The following BABAM2 variants were observed in gnomAD, a reference collection of about 807,000 sequenced individuals.
BABAM2 encodes BRISC and BRCA1 A complex member 2.
A neutral mutation model predicts 54.7 loss-of-function variants in BABAM2; 31 were observed. The ratio of observed to expected loss-of-function variants is 0.57; its 90% confidence interval spans 0.43 to 0.77. The LOEUF is 0.77. Ranked by LOEUF, BABAM2 falls within the 30% of genes least tolerant of loss-of-function variation. The probability of loss-of-function intolerance (pLI) is 0.00; values close to 1 mark genes in which losing one functional copy is unlikely to be tolerated. For synonymous variants in BABAM2, 167 were observed against 162.9 expected (o/e 1.03, Z -0.19); for missense variants, 364 against 455.8 (o/e 0.80, Z 1.83).
At chr2:28,109,972 C>A (rs188981810) in intron 6 of BABAM2, among the ~76,000 whole-genome samples, 3 of 152,196 alleles carry the variant, frequency 2.0e-5, no homozygotes, top group Non-Finnish European at 4.4e-5. Flanking sequence ...TCATGACATC[C>A]GTTTCTGTAA....
At chr2:28,249,672 TTCTC>T (rs1336263077) in intron 10 of BABAM2, among the ~76,000 whole-genome samples, 4 of 152,140 alleles carry the variant, frequency 2.6e-5, no homozygotes, top group Non-Finnish European at 5.9e-5. Context: ...GAGGTCTTCT[TTCTC>T]TCTCTCCAGA....
chr2:28,054,656 G>A (rs1018662134), intron 6 of BABAM2, among the ~76,000 whole-genome samples: 3 of 152,192 alleles, frequency 2.0e-5, no homozygotes, highest in African/African-American at 4.8e-5. Context: ...CTAGGAAACA[G>A]GCCCTCACCA....
intron 11 of BABAM2, chr2:28,327,574 A>G (rs1490487458): frequency 1.8e-6 from 2 of 1,112,244 alleles, no homozygotes; most frequent in South Asian, 1.9e-5. Context: ...ATTTAATTCA[A>G]CACATACTGA....
At chr2:28,273,321 A>T (rs1027733818) in intron 10 of BABAM2, among the ~76,000 whole-genome samples, 1 of 152,206 alleles carries the variant, frequency 6.6e-6, no homozygotes, top group African/African-American at 2.4e-5. Flanking sequence ...GATTCTGAGG[A>T]CTGAGCACCT....
At chr2:28,299,386 G>A (rs1687939100) in intron 11 of BABAM2, among the ~76,000 whole-genome samples, 1 of 152,128 alleles carries the variant, frequency 6.6e-6, no homozygotes, top group Admixed American at 6.6e-5. Context: ...CATAAACCAT[G>A]ACCTCCTAGA....
Position 27,912,124 on chromosome 2 carries a change from T to C in BABAM2, c.128+17440T>C, listed in dbSNP as rs550920318. The stretch of plus-strand genomic sequence containing the variant: ...CACCTTGGGAAAGAATGCTGAACAA[T>C]TACTAGGGTATGGAAAGGGAATACA... On this transcript the variant is annotated intron_variant, in intron 2 of 11. Coordinates refer to ENST00000379624, the MANE Select transcript of BABAM2 (RefSeq NM_199191.3). Among the ~76,000 whole-genome samples the C allele has an allele frequency of 2.6e-4, 40 of 152,324 alleles. 1 individual carries two copies. Among genetic ancestry groups the C allele is most frequent in the African/African-American group, 8.7e-4 (36 of 41,578 alleles).
intron 7 of BABAM2, among the ~76,000 whole-genome samples, chr2:28,174,867 A>G (rs1314151696): frequency 6.6e-6 from 1 of 152,042 alleles, no homozygotes; most frequent in African/African-American, 2.4e-5. Flanking sequence ...CTCAAGCCCC[A>G]CTGATATCCC....
intron 6 of BABAM2, among the ~76,000 whole-genome samples, chr2:28,060,181 A>G (rs1166152450): frequency 6.6e-6 from 1 of 152,224 alleles, no homozygotes; most frequent in Non-Finnish European, 1.5e-5. Flanking sequence ...CCAGGGATGT[A>G]AGGTAGGCTG....
intron 11 of BABAM2, among the ~76,000 whole-genome samples, chr2:28,331,439 T>C (rs952848416): frequency 4.0e-5 from 6 of 151,596 alleles, no homozygotes; most frequent in Admixed American, 2.0e-4. Context: ...AGGTCTAATA[T>C]CCAAAATCTA....
chr2:28,337,465 G>A (rs1381316510), intron 11 of BABAM2, among the ~76,000 whole-genome samples: 1 of 152,226 alleles, frequency 6.6e-6, no homozygotes, highest in African/African-American at 2.4e-5. Flanking sequence ...GCCTTGTACA[G>A]TGCCTGACAC....
chr2:27,911,375 TC>T, intron 2 of BABAM2, among the ~76,000 whole-genome samples: 1 of 152,256 alleles, frequency 6.6e-6, no homozygotes, highest in African/African-American at 2.4e-5. Flanking sequence ...ATTTTAAAAT[TC>T]TTTCAGTTCC....
At chr2:28,021,172 C>G (rs551193858) in intron 4 of BABAM2, among the ~76,000 whole-genome samples, 2 of 152,286 alleles carry the variant, frequency 1.3e-5, no homozygotes, top group South Asian at 4.1e-4. Flanking sequence ...CAGGCCAAAT[C>G]AGAGGGTTCC....
chr2:28,137,603 G>C (rs1200858244), intron 7 of BABAM2, among the ~76,000 whole-genome samples: 2 of 152,162 alleles, frequency 1.3e-5, no homozygotes, highest in Non-Finnish European at 2.9e-5. Flanking sequence ...GAATTTAGTT[G>C]GGGGAGAAAA....
intron 3 of BABAM2, among the ~76,000 whole-genome samples, chr2:27,982,294 G>T (rs1322317202): frequency 6.6e-6 from 1 of 152,004 alleles, no homozygotes; most frequent in Non-Finnish European, 1.5e-5. Flanking sequence ...TCTCCCTGTG[G>T]ATTGTCTTCA....
intron 6 of BABAM2, among the ~76,000 whole-genome samples, chr2:28,114,227 A>T (rs1309685208): frequency 6.6e-6 from 1 of 152,240 alleles, no homozygotes; most frequent in East Asian, 1.9e-4. Context: ...AGAGGAAGTC[A>T]AATTACCTCT....
intron 10 of BABAM2, among the ~76,000 whole-genome samples, chr2:28,294,991 G>A (rs918845907): frequency 6.6e-6 from 1 of 152,116 alleles, no homozygotes; most frequent in Admixed American, 6.5e-5. Context: ...TGGGGACTGT[G>A]GTAGATATCA....
intron 7 of BABAM2, among the ~76,000 whole-genome samples, chr2:28,231,166 G>A (rs1681348328): frequency 1.3e-5 from 2 of 152,144 alleles, no homozygotes; most frequent in African/African-American, 4.8e-5. Context: ...ACACGGCAGG[G>A]TTGTTGTGAG....
At chr2:28,258,537 A>G (rs1019126718) in intron 10 of BABAM2, among the ~76,000 whole-genome samples, 1 of 151,578 alleles carries the variant, frequency 6.6e-6, no homozygotes, top group Admixed American at 6.6e-5. Context: ...GATGTTAAAC[A>G]TCTTTTCCTA....
chr2:27,999,719 G>T (rs1175242651), intron 4 of BABAM2, among the ~76,000 whole-genome samples: 1 of 152,042 alleles, frequency 6.6e-6, no homozygotes, highest in Admixed American at 6.5e-5. Context: ...TGCCTTTTTA[G>T]CCACTTGCTG....
Sources: allele counts gnomAD v4.1 joint callset (sites outside exome capture counted in the v4.1 genomes callset), GRCh38; gene constraint gnomAD v4.1.1; transcripts MANE v1.5; gene names NCBI Gene and HGNC (gene_info 2026-07-23, HGNC 2026-07-21).